The following HIF1A variants were observed in gnomAD, a reference collection of about 807,000 sequenced individuals.
HIF1A encodes the protein hypoxia inducible factor 1 subunit alpha, also known as hypoxia-inducible factor 1-alpha.
HIF1A carries 24 observed loss-of-function variants against 92.7 expected under a neutral mutation model. The observed-to-expected ratio is 0.26, with a 90% CI of 0.19 to 0.36. The LOEUF (loss-of-function observed/expected upper bound fraction) is 0.36, where lower values mean the gene tolerates loss of function less well. HIF1A is among the 10% of genes least tolerant of loss of function. The pLI is 1.00. For synonymous variants in HIF1A, 319 were observed against 338.7 expected, an observed-to-expected ratio of 0.94 and a Z score of 0.64; for missense variants, 799 against 998.5, an observed-to-expected ratio of 0.80 and a Z score of 2.69.
chr14:61,738,669 T>C (rs1368787674), intron 10 of HIF1A, among the ~76,000 whole-genome samples: 3 of 152,216 alleles, frequency 2.0e-5, no homozygotes, highest in Non-Finnish European at 4.4e-5. Flanking sequence ...ATCTTGAATT[T>C]GGACATTTAA....
At chr14:61,717,422 T>C (rs973414108) in intron 1 of HIF1A, among the ~76,000 whole-genome samples, 5 of 152,254 alleles carry the variant, frequency 3.3e-5, no homozygotes, top group Non-Finnish European at 5.9e-5. Flanking sequence ...TTGATTGGTT[T>C]CTGTCTAGAC....
In HIF1A at chr14:61,738,480, G is replaced by C. The variant is rs992242087; in HGVS notation, c.1536+107G>C. 2.9e-6 allele frequency: 3 copies of C among 1,041,610 alleles called. No individual in the cohort carries two copies. The African/African-American group carries it at 4.8e-5, about 17-fold the overall frequency. 64.5% of individuals were successfully genotyped at this position (1,041,610 alleles called of 1,614,324 possible). A position where few individuals can be genotyped will look rare whatever the true frequency, so the allele number is the denominator to read the frequency against. ...CTTATTTGAACCACAAATTACATTT[G>C]TGTGTGTGTTTGAATTTTAGCACTT... On this transcript the variant is annotated intron_variant, in intron 10 of 14. Coordinates refer to ENST00000337138, the MANE Select transcript of HIF1A (RefSeq NM_001530.4).
At chr14:61,720,630 G>T (rs927324158) in intron 2 of HIF1A, 58 bp downstream of exon 2, 20 of 1,115,272 alleles carry the variant, frequency 1.8e-5, no homozygotes, top group Non-Finnish European at 2.4e-5. Flanking sequence ...GAAGTAAATA[G>T]AAATTATTTT....
At position 61,732,516 on chromosome 14, in the gene HIF1A, A is replaced by T. The variant is rs1362488420; in HGVS notation, c.872A>T (p.His291Leu). 1.3e-6 allele frequency: 2 copies of T among 1,566,070 alleles called. No homozygotes were observed. The highest frequency in any genetic ancestry group is 1.8e-6 in the Non-Finnish European group (2 of 1,136,812). Residue 291 changes from histidine to leucine, a missense_variant, in exon 7 of 15, where the codon CAT (histidine) becomes CTT (leucine). His to Leu is a moderately conservative substitution (Grantham distance 99). Transcript: ENST00000337138. ...ALDSDHLTKT[H>L]HDMFTKGQVT... Reference sequence around the variant, plus strand: ...GACTCTGATCATCTGACCAAAACTCATCATGATAGTAAGTACAATGGAAGA... The same window carrying T: ...GACTCTGATCATCTGACCAAAACTCTTCATGATAGTAAGTACAATGGAAGA...
At chr14:61,706,361 T>A (rs745434755) in intron 1 of HIF1A, among the ~76,000 whole-genome samples, 2 of 152,204 alleles carry the variant, frequency 1.3e-5, no homozygotes, top group African/African-American at 2.4e-5. Flanking sequence ...TAGGTCATCT[T>A]TGAACTCTAC....
chr14:61,711,125 G>T (rs1177798205), intron 1 of HIF1A, among the ~76,000 whole-genome samples: 1 of 148,766 alleles, frequency 6.7e-6, no homozygotes, highest in Non-Finnish European at 1.5e-5. Context: ...TCTTGAAAAA[G>T]ACTGTGGAAA....
chr14:61,741,035 T>C lies in HIF1A; in HGVS notation c.1940T>C (p.Ile647Thr), dbSNP rs1192051964. The change falls in exon 12 of 15, where the codon ATA becomes ACA. Residue 647 changes from isoleucine (I) to threonine (T), a missense_variant. Ile to Thr is a moderately conservative substitution (Grantham distance 89, BLOSUM62 -1). This residue lies in a region of HIF1A where 283 missense variants were observed against 277.5 expected (regional missense o/e 1.02). Coordinates refer to ENST00000337138, the MANE Select transcript of HIF1A (RefSeq NM_001530.4). ...ATTGCATCTCCATCTCCTACCCACA[T>C]ACATAAAGAAACTACTAGTGCCACA... is the stretch of plus-strand genomic sequence containing the variant. ...ILIASPSPTH[I>T]HKETTSATSS... is the part of the protein sequence containing the mutation. The C allele has an allele frequency of 1.2e-6, 2 of 1,614,098 alleles. No individual in the cohort carries two copies. The highest frequency in any genetic ancestry group is 3.3e-5 in the Admixed American group (2 of 60,022).
chr14:61,734,859 A>G (rs1308148706), intron 8 of HIF1A, among the ~76,000 whole-genome samples: 1 of 152,246 alleles, frequency 6.6e-6, no homozygotes, highest in Non-Finnish European at 1.5e-5. Context: ...ATGTATACAT[A>G]TGTAACAAAC....
rs1298155409 is a variant in HIF1A at position 61,695,618 on chromosome 14, G to A, written c.-187G>A. 4 of 635,108 alleles carry A rather than the reference G, an allele frequency of 6.3e-6. No homozygotes were observed. The highest frequency in any genetic ancestry group is 8.1e-6 in the Non-Finnish European group (3 of 368,818). The allele number at this position is 635,108 out of a possible 1,614,324, so 39.3% of individuals were successfully genotyped here. A position where few individuals can be genotyped will look rare whatever the true frequency, so the allele number is the denominator to read the frequency against. On this transcript the variant is annotated 5_prime_UTR_variant, in exon 1 of 15. Transcript: ENST00000337138. ...GACAAGCCACCTGAGGAGAGGCTCG[G>A]AGCCGGGCCCGGACCCCGGCGATTG...
At chr14:61,721,482 A>T in intron 2 of HIF1A, 27 bp from the exon 3 acceptor site, 1 of 1,586,256 alleles carries the variant, frequency 6.3e-7, no homozygotes, top group Admixed American at 1.7e-5. Flanking sequence ...TTAACTAATT[A>T]TTTTCCTCTT....
At chr14:61,721,428 CT>C in intron 2 of HIF1A, 80 bp from the exon 3 acceptor site, 11 of 1,247,052 alleles carry the variant, frequency 8.8e-6, no homozygotes, top group Non-Finnish European at 1.2e-5. Context: ...TGCGAGAAAA[CT>C]TTGTAAAAAC....
At chr14:61,729,871 C>T (rs2044554535) in intron 6 of HIF1A, among the ~76,000 whole-genome samples, 1 of 152,032 alleles carries the variant, frequency 6.6e-6, no homozygotes, top group Admixed American at 6.5e-5. Flanking sequence ...TGAGTTTGAC[C>T]AGCAGACTGT....
chr14:61,724,433 T>C lies in HIF1A; in HGVS notation c.458-2273T>C, dbSNP rs189319039. On this transcript the variant is annotated intron_variant, in intron 4 of 14. Transcript: ENST00000337138. ...CCCCCTCCTTTGCTCTCATGGCATC[T>C]TTTAAAAATATACTCTTAAATCCTT... Among the ~76,000 whole-genome samples the C allele has an allele frequency of 8.1e-3, 1,212 of 148,824 alleles. 9 individuals are homozygous for C. The highest frequency in any genetic ancestry group is 0.014 in the Non-Finnish European group (906 of 67,110).
intron 9 of HIF1A, 23 bp from the exon 10 acceptor site, chr14:61,738,064 T>C: frequency 6.5e-7 from 1 of 1,549,498 alleles, no homozygotes; most frequent in Non-Finnish European, 8.7e-7. Flanking sequence ...TACTTTAGAT[T>C]GACTCATATT....
intron 1 of HIF1A, among the ~76,000 whole-genome samples, chr14:61,701,259 A>G (rs772699691): frequency 2.6e-5 from 4 of 152,194 alleles, no homozygotes; most frequent in Admixed American, 6.5e-5. Flanking sequence ...AGTTTTAACC[A>G]TAAAGATTAT....
chr14:61,712,496 T>C (rs1030115150), intron 1 of HIF1A, among the ~76,000 whole-genome samples: 1 of 150,730 alleles, frequency 6.6e-6, no homozygotes, highest in African/African-American at 2.4e-5. Context: ...AAAGGATTAT[T>C]CTAGTTGCTG....
intron 1 of HIF1A, among the ~76,000 whole-genome samples, chr14:61,703,217 A>G (rs760144130): frequency 3.9e-5 from 6 of 152,176 alleles, no homozygotes; most frequent in Non-Finnish European, 7.3e-5. Context: ...AAAGCTTTCA[A>G]TGTAATTGCC....
intron 1 of HIF1A, among the ~76,000 whole-genome samples, chr14:61,713,259 T>C (rs1417393202): frequency 6.6e-6 from 1 of 152,198 alleles, no homozygotes; most frequent in Non-Finnish European, 1.5e-5. Context: ...CCAAATTTCT[T>C]TACTTCGGAA....
At chr14:61,705,907 A>G (rs1594858353) in intron 1 of HIF1A, among the ~76,000 whole-genome samples, 1 of 152,294 alleles carries the variant, frequency 6.6e-6, no homozygotes, top group Non-Finnish European at 1.5e-5. Flanking sequence ...ATTTAATAGA[A>G]GAAGTCTTTA....
Sources: allele counts gnomAD v4.1 joint callset (sites outside exome capture counted in the v4.1 genomes callset), GRCh38; gene constraint gnomAD v4.1.1; regional missense constraint gnomAD v4.1.1; transcripts MANE v1.5; gene names NCBI Gene and HGNC (gene_info 2026-07-23, HGNC 2026-07-21).